NCAM2: variants seen among roughly 807,000 people sequenced by gnomAD.
The protein encoded by NCAM2 is neural cell adhesion molecule 2, also known as N-CAM-2.
NCAM2 carries 30 observed loss-of-function variants against 98.1 expected under a neutral mutation model. That is an observed-to-expected ratio of 0.31 (90% CI 0.23 to 0.41). NCAM2 has a LOEUF of 0.41. Among genes scored for constraint, NCAM2 ranks in the 10% least tolerant of loss-of-function variants. The pLI is 1.00. For missense variants in NCAM2, 867 were observed against 1,005.8 expected (o/e 0.86, Z 1.87); for synonymous variants, 368 against 342.4 (o/e 1.07, Z -0.83).
At chr21:21,122,200 A>G (rs552086560) in intron 1 of NCAM2, among the ~76,000 whole-genome samples, 9 of 152,342 alleles carry the variant, frequency 5.9e-5, no homozygotes, top group African/African-American at 2.2e-4. Context: ...TTGTCCATGC[A>G]TAATTTGATA....
intron 1 of NCAM2, among the ~76,000 whole-genome samples, chr21:21,052,595 C>T (rs768084881): frequency 2.5e-4 from 38 of 152,066 alleles, no homozygotes; most frequent in Non-Finnish European, 5.1e-4. Context: ...TCAAAATCAT[C>T]TCTTTCTTTA....
intron 6 of NCAM2, among the ~76,000 whole-genome samples, chr21:21,335,013 T>C (rs968250572): frequency 2.0e-5 from 3 of 152,118 alleles, no homozygotes; most frequent in Non-Finnish European, 4.4e-5. Context: ...TTATTGGCAG[T>C]ACTTATATGC....
intron 15 of NCAM2, among the ~76,000 whole-genome samples, chr21:21,482,379 T>A (rs1286297407): frequency 6.6e-6 from 1 of 152,096 alleles, no homozygotes; most frequent in African/African-American, 2.4e-5. Context: ...TTCAAACATA[T>A]TAGAAATAAG....
In NCAM2 at chr21:21,335,557, A is replaced by G; in HGVS notation, c.790A>G (p.Thr264Ala). 2.5e-6 allele frequency: 4 copies of G among 1,611,182 alleles called. No individual in the cohort carries two copies. The highest frequency in any genetic ancestry group is 1.1e-5 in the South Asian group (1 of 90,732). ...NEKYILKGSNTELTVRNIINS... is the reference protein window; with the variant it reads ...NEKYILKGSNAELTVRNIINS... ...GAAGTACATATTGAAAGGGAGCAAT[A>G]CAGAACTCACTGTCAGGAACATAAT... is the stretch of plus-strand genomic sequence containing the variant. The change falls in exon 7 of 18, where the codon ACA becomes GCA. Residue 264 changes from threonine (T) to alanine (A), a missense_variant. Physicochemically the swap from Thr to Ala is moderately conservative, Grantham distance 58. Coordinates refer to ENST00000400546, the MANE Select transcript of NCAM2 (RefSeq NM_004540.5).
chr21:21,118,706 C>T (rs1201455109), intron 1 of NCAM2, among the ~76,000 whole-genome samples: 1 of 151,978 alleles, frequency 6.6e-6, no homozygotes, highest in Non-Finnish European at 1.5e-5. Flanking sequence ...TGTCCTATTG[C>T]TATCCTTTCC....
intron 1 of NCAM2, among the ~76,000 whole-genome samples, chr21:21,139,358 G>A (rs2067121525): frequency 6.6e-6 from 1 of 152,206 alleles, no homozygotes; most frequent in Admixed American, 6.5e-5. Context: ...ATACATTTTT[G>A]TTGTTTTAAG....
chr21:21,184,529 G>A (rs2068577647), intron 1 of NCAM2, among the ~76,000 whole-genome samples: 1 of 152,064 alleles, frequency 6.6e-6, no homozygotes, highest in South Asian at 2.1e-4. Context: ...AATTGGTACA[G>A]GATGCAGACC....
intron 1 of NCAM2, among the ~76,000 whole-genome samples, chr21:21,037,305 G>A (rs2064819165): frequency 6.6e-6 from 1 of 152,064 alleles, no homozygotes; most frequent in South Asian, 2.1e-4. Context: ...AAATATTCAT[G>A]TCTTTCTTAC....
At chr21:21,532,418 T>C (rs1485113946) in intron 16 of NCAM2, among the ~76,000 whole-genome samples, 2 of 152,020 alleles carry the variant, frequency 1.3e-5, no homozygotes, top group Non-Finnish European at 2.9e-5. Flanking sequence ...ATTAAAAAGG[T>C]CACCAAAAAC....
chr21:21,304,354 G>A (rs182812328), intron 5 of NCAM2, among the ~76,000 whole-genome samples: 8 of 151,410 alleles, frequency 5.3e-5, no homozygotes, highest in African/African-American at 9.7e-5. Flanking sequence ...GTGAATGTCC[G>A]ATTTTTCATC....
intron 1 of NCAM2, among the ~76,000 whole-genome samples, chr21:21,104,874 CT>C (rs2066314248): frequency 6.6e-6 from 1 of 152,024 alleles, no homozygotes; most frequent in Non-Finnish European, 1.5e-5. Flanking sequence ...GCTGTTTTTT[CT>C]TACTCTTTGA....
chr21:21,508,314 G>T (rs1988118367), intron 15 of NCAM2, among the ~76,000 whole-genome samples: 1 of 151,930 alleles, frequency 6.6e-6, no homozygotes, highest in Non-Finnish European at 1.5e-5. Context: ...TTCATAAAAA[G>T]GTATATTTAA....
At chr21:21,474,315 A>T (rs578201658) in intron 14 of NCAM2, among the ~76,000 whole-genome samples, 1 of 152,184 alleles carries the variant, frequency 6.6e-6, no homozygotes, top group South Asian at 2.1e-4. Context: ...AAATACTTAA[A>T]ATGATGGAGG....
chr21:21,276,471 C>A (rs2072732083), intron 1 of NCAM2, among the ~76,000 whole-genome samples: 1 of 151,946 alleles, frequency 6.6e-6, no homozygotes, highest in South Asian at 2.1e-4. Flanking sequence ...CTTTTCCTTA[C>A]CTTAAGTAAG....
chr21:21,453,418 G>A (rs527262116), intron 12 of NCAM2, among the ~76,000 whole-genome samples: 3 of 152,070 alleles, frequency 2.0e-5, no homozygotes, highest in South Asian at 4.1e-4. Context: ...ATTAAATGAA[G>A]TAGGAGTAGA....
chr21:21,147,604 A>G (rs1162208142), intron 1 of NCAM2, among the ~76,000 whole-genome samples: 3 of 150,636 alleles, frequency 2.0e-5, no homozygotes, highest in South Asian at 2.1e-4. Context: ...CACTGTATAT[A>G]TATGTATATA....
At chr21:21,212,902 G>C (rs1315981069) in intron 1 of NCAM2, among the ~76,000 whole-genome samples, 2 of 151,810 alleles carry the variant, frequency 1.3e-5, no homozygotes, top group Non-Finnish European at 2.9e-5. Context: ...GACACCACGT[G>C]GGGCTAATTT....
chr21:21,419,730 T>C (rs113187892), intron 11 of NCAM2, among the ~76,000 whole-genome samples: 38,035 of 151,738 alleles, frequency 0.25, 4,936 homozygotes, highest in East Asian at 0.46. Context: ...ATGGTGTATA[T>C]GTGCCACATT....
At position 21,214,638 on chromosome 21, in the gene NCAM2, C is replaced by A. The variant is rs2147098759; in HGVS notation, c.56-65940C>A. Among the ~76,000 whole-genome samples the A allele has an allele frequency of 2.0e-5, 3 of 149,324 alleles. 1 individual carries two copies. The Middle Eastern group carries it at 0.011, about 530-fold the overall frequency. The stretch of plus-strand genomic sequence containing the variant: ...AAATATATTTGACATGTAATTTGGG[C>A]AGAGATAGTCAATAAATAACCAGTG... On this transcript the variant is annotated intron_variant, in intron 1 of 17. Coordinates refer to ENST00000400546, the MANE Select transcript of NCAM2 (RefSeq NM_004540.5).
Sources: allele counts gnomAD v4.1 joint callset (sites outside exome capture counted in the v4.1 genomes callset), GRCh38; gene constraint gnomAD v4.1.1; transcripts MANE v1.5; gene names NCBI Gene and HGNC (gene_info 2026-07-23, HGNC 2026-07-21).